The following COL5A1 variants were observed in gnomAD, a reference collection of about 807,000 sequenced individuals.
The protein encoded by COL5A1 is collagen type V alpha 1 chain.
A neutral mutation model predicts 263.7 loss-of-function variants in COL5A1; 16 were observed. The ratio of observed to expected loss-of-function variants is 0.06; its 90% CI spans 0.04 to 0.09. The LOEUF is 0.09. Ranked by LOEUF, COL5A1 falls within the 10% of genes least tolerant of loss-of-function variation. The pLI is 1.00. For synonymous variants in COL5A1, 1,012 were observed against 1,004.5 expected (o/e 1.01, Z -0.14); for missense variants, 2,036 against 2,540.5 (o/e 0.80, Z 4.27).
At chr9:134,829,334 C>T (rs948036498) in intron 63 of COL5A1, among the ~76,000 whole-genome samples, 1 of 149,912 alleles carries the variant, frequency 6.7e-6, no homozygotes, top group Admixed American at 6.6e-5. Context: ...GGCCTCCAGT[C>T]TCCCCGAGGG....
In COL5A1 at chr9:134,806,255, C is replaced by T. The variant is rs1225763044; in HGVS notation, c.3325C>T (p.Pro1109Ser). The T allele has an allele frequency of 6.5e-7, 1 of 1,549,780 alleles. No homozygotes were observed. The highest frequency in any genetic ancestry group is 8.7e-7 in the Non-Finnish European group (1 of 1,146,776). Reference protein sequence around the residue: ...GPIGIPGRPGPQGPPGPAGEK... With the variant: ...GPIGIPGRPGSQGPPGPAGEK... ...CATCGGAATTCCAGGGAGACCTGGG[C>T]CCCAGGGACCCCCAGGGCCGGCAGG... The change falls in exon 42 of 66, where the codon CCC becomes TCC. Residue 1109 changes from proline (P) to serine (S), a missense_variant. Pro to Ser is a moderately conservative substitution (Grantham distance 74). Around this residue, in one of 3 missense-constraint regions of COL5A1, gnomAD observed 1,078 missense variants for 1,521.4 expected, o/e 0.71. Transcript: ENST00000371817.
chr9:134,719,140 C>T (rs73564846), intron 4 of COL5A1, among the ~76,000 whole-genome samples: 8,961 of 152,268 alleles, frequency 0.059, 306 homozygotes, highest in Middle Eastern at 0.082. Flanking sequence ...CCAGGCACCT[C>T]GGGGCCATCT....
intron 62 of COL5A1, among the ~76,000 whole-genome samples, 195 bp downstream of exon 62, chr9:134,825,050 C>T (rs951603047): frequency 2.6e-5 from 4 of 152,198 alleles, no homozygotes; most frequent in Non-Finnish European, 5.9e-5. Context: ...AGGGTGAGGC[C>T]GGGTGCAGAG....
intron 58 of COL5A1, 21 bp from the exon 59 acceptor site, chr9:134,822,076 G>A: frequency 6.2e-7 from 1 of 1,612,580 alleles, no homozygotes; most frequent in Non-Finnish European, 8.5e-7. Context: ...GTGATAACCT[G>A]CATTTTCTGG....
At position 134,765,792 on chromosome 9, in the gene COL5A1, TC is replaced by T. The variant is rs1836640828; in HGVS notation, c.2088+61del. On this transcript the variant is annotated intron_variant, in intron 21 of 65. Transcript: ENST00000371817. This position sits in a 1 kb window ranked among gnomAD's most constrained non-coding sequence, Gnocchi z 5.1. ...CCATCTCGGCCTTTGAGACCCCGCC[TC>T]CCAGCCGGTGGACGCTTGGGCACTG... 59 of 1,452,272 alleles carry T rather than the reference TC, an allele frequency of 4.1e-5. No individual in the cohort carries two copies. Among genetic ancestry groups the T allele is most frequent in the Non-Finnish European group, 5.5e-5 (58 of 1,046,518 alleles). 90.0% of individuals were successfully genotyped at this position (1,452,272 alleles called of 1,614,324 possible).
chr9:134,781,986 C>T (rs1837272373), intron 28 of COL5A1, among the ~76,000 whole-genome samples: 1 of 152,188 alleles, frequency 6.6e-6, no homozygotes. Context: ...CCAAGGGTCC[C>T]CTCTCTGGGA....
chr9:134,779,960 TG>T, intron 27 of COL5A1, 141 bp from the exon 28 acceptor site: 1 of 879,802 alleles, frequency 1.1e-6, no homozygotes, highest in Non-Finnish European at 1.9e-6. Flanking sequence ...GGGGGACATA[TG>T]GGAGGAAGTG....
intron 18 of COL5A1, among the ~76,000 whole-genome samples, chr9:134,759,218 A>C (rs969138449): frequency 9.0e-5 from 13 of 144,812 alleles, no homozygotes; most frequent in African/African-American, 1.1e-4. Context: ...CCATGCACAC[A>C]CACACCCACA....
chr9:134,710,267 C>G (rs529895954), intron 4 of COL5A1, among the ~76,000 whole-genome samples: 3 of 152,186 alleles, frequency 2.0e-5, no homozygotes, highest in South Asian at 2.1e-4. Flanking sequence ...CCTGCCCGCG[C>G]GAGACGGTGG....
intron 1 of COL5A1, among the ~76,000 whole-genome samples, chr9:134,655,178 G>A (rs928941948): frequency 5.3e-5 from 8 of 151,496 alleles, no homozygotes; most frequent in Non-Finnish European, 1.2e-4. Flanking sequence ...TAAGGCAGGG[G>A]TTTGTAGGGC....
chr9:134,753,542 C>T (rs955572707), intron 14 of COL5A1, among the ~76,000 whole-genome samples: 30 of 152,328 alleles, frequency 2.0e-4, no homozygotes, highest in African/African-American at 4.6e-4. Flanking sequence ...TGGGCTGTAA[C>T]GGACCACGGT....
chr9:134,681,386 G>A lies in COL5A1; in HGVS notation c.110-9526G>A, dbSNP rs776962244. ...ATTTCTGCGAGCATCTGCGGGTGCC[G>A]GGCTGTGCGGGGCCCCTGCCCTCCT... is the stretch of plus-strand genomic sequence containing the variant. On this transcript the variant is annotated intron_variant, in intron 1 of 65. Coordinates refer to ENST00000371817, the MANE Select transcript of COL5A1 (RefSeq NM_000093.5). The surrounding 1 kb of genome is among the most constrained non-coding windows in gnomAD (Gnocchi z 4.3). 2.4e-4 allele frequency among the ~76,000 whole-genome samples: 37 copies of A among 152,226 alleles called. No homozygotes were observed. The highest frequency in any genetic ancestry group is 4.4e-4 in the Non-Finnish European group (30 of 68,036).
At chr9:134,710,669 G>A (rs1834004238) in intron 4 of COL5A1, among the ~76,000 whole-genome samples, 1 of 131,236 alleles carries the variant, frequency 7.6e-6, no homozygotes, top group Non-Finnish European at 1.6e-5. Flanking sequence ...GCCCCCGTCT[G>A]TTGGGTGCAG....
At chr9:134,781,747 G>C (rs1837265089) in intron 28 of COL5A1, among the ~76,000 whole-genome samples, 1 of 152,174 alleles carries the variant, frequency 6.6e-6, no homozygotes, top group African/African-American at 2.4e-5. Flanking sequence ...CCGCTGCTCA[G>C]CTTCCAGCAC....
rs531587931 is a variant in COL5A1 at position 134,644,592 on chromosome 9, G to T, written c.109+2296G>T. Among the ~76,000 whole-genome samples, 57 of 137,916 alleles carry T rather than the reference G, an allele frequency of 4.1e-4. 3 individuals carry two copies. In the Middle Eastern group the frequency reaches 0.014, roughly 35 times the overall value. 90.5% of individuals were successfully genotyped at this position (137,916 alleles called of 152,430 possible). On this transcript the variant is annotated intron_variant, in intron 1 of 65. Coordinates refer to ENST00000371817, the MANE Select transcript of COL5A1 (RefSeq NM_000093.5). ...CTGTCCACTGGAGAGGCAGGCGCGG[G>T]GGGGAGCCACCAGCAAGTGCCTGCT...
intron 1 of COL5A1, among the ~76,000 whole-genome samples, chr9:134,676,589 A>G (rs1832690450): frequency 1.3e-5 from 1 of 78,582 alleles, no homozygotes; most frequent in Non-Finnish European, 2.5e-5. Flanking sequence ...AGATCCTGCA[A>G]AATTGCTGCT....
At chr9:134,662,544 C>T (rs1832241880) in intron 1 of COL5A1, among the ~76,000 whole-genome samples, 1 of 152,262 alleles carries the variant, frequency 6.6e-6, no homozygotes, top group African/African-American at 2.4e-5. Context: ...CTTTGAATCT[C>T]TCCAGTGGGG....
At chr9:134,749,472 G>A (rs912618753) in intron 11 of COL5A1, among the ~76,000 whole-genome samples, 5 of 152,220 alleles carry the variant, frequency 3.3e-5, no homozygotes, top group African/African-American at 4.8e-5. Flanking sequence ...GTAAAGACAA[G>A]GCAGGCAAGT....
intron 29 of COL5A1, among the ~76,000 whole-genome samples, chr9:134,784,380 G>A (rs192726149): frequency 9.1e-4 from 138 of 152,344 alleles, no homozygotes; most frequent in African/African-American, 3.1e-3. Context: ...AGACTCTGCC[G>A]TAGCGCTACC....
Sources: allele counts gnomAD v4.1 joint callset (sites outside exome capture counted in the v4.1 genomes callset), GRCh38; gene constraint gnomAD v4.1.1; regional missense constraint gnomAD v4.1.1; non-coding constraint Gnocchi (gnomAD v3.1); transcripts MANE v1.5; gene names NCBI Gene and HGNC (gene_info 2026-07-23, HGNC 2026-07-21).